The following RBMS3 variants were observed in gnomAD, a reference collection of about 807,000 sequenced individuals.
The protein encoded by RBMS3 is RNA binding motif single stranded interacting protein 3, also known as RNA-binding motif, single-stranded-interacting protein 3.
RBMS3 carries 27 observed loss-of-function variants against 66.8 expected under a neutral mutation model. That is an observed-to-expected ratio of 0.40 (90% CI 0.30 to 0.56). The LOEUF is 0.56. RBMS3 is among the 20% of genes least tolerant of loss of function. The probability of loss-of-function intolerance (pLI) is 0.40; values close to 1 mark genes in which losing one functional copy is unlikely to be tolerated. For missense variants in RBMS3, 513 were observed against 549.5 expected (o/e 0.93, Z 0.66); for synonymous variants, 188 against 183.0 (o/e 1.03, Z -0.22).
chr3:29,283,032 A>G lies in RBMS3; in HGVS notation c.75+1276A>G, dbSNP rs142948458. Among the ~76,000 whole-genome samples the G allele has an allele frequency of 7.4e-3, 1,125 of 152,228 alleles. 2 individuals are homozygous for G. The highest frequency in any genetic ancestry group is 0.017 in the Middle Eastern group (5 of 292). On this transcript the variant is annotated intron_variant, in intron 1 of 14. Coordinates refer to ENST00000383767, the MANE Select transcript of RBMS3 (RefSeq NM_001003793.3). ...TTTAGTTTGTGCTGCTGATGCTTAAATAGACTAGCCCTCCTGCTCGGTGCC... is the reference window on the plus strand; with the variant it reads ...TTTAGTTTGTGCTGCTGATGCTTAAGTAGACTAGCCCTCCTGCTCGGTGCC...
chr3:29,403,656 G>C (rs1389772220), intron 1 of RBMS3, among the ~76,000 whole-genome samples: 1 of 151,918 alleles, frequency 6.6e-6, no homozygotes, highest in East Asian at 1.9e-4. Flanking sequence ...GAAGTAGATG[G>C]AACAATAAAT....
chr3:29,977,690 A>G (rs1406203122), intron 12 of RBMS3, among the ~76,000 whole-genome samples: 1 of 152,164 alleles, frequency 6.6e-6, no homozygotes, highest in Non-Finnish European at 1.5e-5. Flanking sequence ...AAAACCATCA[A>G]GCTGTTTACC....
intron 2 of RBMS3, among the ~76,000 whole-genome samples, chr3:29,471,073 G>A (rs558327763): frequency 1.5e-4 from 23 of 152,152 alleles, no homozygotes; most frequent in South Asian, 1.0e-3. Flanking sequence ...AAGTGTTAAC[G>A]CCAGATACAA....
chr3:29,751,224 A>G (rs2055167648), intron 5 of RBMS3, among the ~76,000 whole-genome samples: 1 of 152,218 alleles, frequency 6.6e-6, no homozygotes, highest in Non-Finnish European at 1.5e-5. Context: ...TTCTTGTTCT[A>G]AGGAGAAAAC....
At chr3:29,358,515 A>G (rs1035849325) in intron 1 of RBMS3, among the ~76,000 whole-genome samples, 1 of 152,052 alleles carries the variant, frequency 6.6e-6, no homozygotes, top group Non-Finnish European at 1.5e-5. Context: ...CTTAGGATTG[A>G]CTTGGCAATG....
At chr3:29,473,806 C>T (rs1178043466) in intron 2 of RBMS3, among the ~76,000 whole-genome samples, 1 of 152,236 alleles carries the variant, frequency 6.6e-6, no homozygotes, top group African/African-American at 2.4e-5. Flanking sequence ...GTGTGGGGCC[C>T]ACCAAGCCCA....
chr3:29,490,434 T>C (rs1314773566), intron 3 of RBMS3, among the ~76,000 whole-genome samples: 2 of 151,930 alleles, frequency 1.3e-5, no homozygotes, highest in Non-Finnish European at 2.9e-5. Context: ...AAGAGAGGAA[T>C]GTATGAAACA....
At chr3:29,797,181 T>C (rs1192518813) in intron 6 of RBMS3, among the ~76,000 whole-genome samples, 4 of 152,256 alleles carry the variant, frequency 2.6e-5, no homozygotes, top group Non-Finnish European at 4.4e-5. Flanking sequence ...TATTGTTTAG[T>C]GTAGCCACCT....
chr3:29,293,762 C>T (rs1020043), intron 1 of RBMS3, among the ~76,000 whole-genome samples: 96,290 of 150,984 alleles, frequency 0.64, 31,006 homozygotes, highest in Middle Eastern at 0.71. Flanking sequence ...CTTTCTTGCT[C>T]GCCCTTTCTT....
At chr3:29,521,646 T>C (rs982355713) in intron 3 of RBMS3, among the ~76,000 whole-genome samples, 2 of 152,240 alleles carry the variant, frequency 1.3e-5, no homozygotes, top group African/African-American at 4.8e-5. Flanking sequence ...CTTGATAAAA[T>C]ATGAAGCACA....
chr3:29,849,061 A>G (rs2058861412), intron 6 of RBMS3, among the ~76,000 whole-genome samples: 1 of 151,994 alleles, frequency 6.6e-6, no homozygotes, highest in Admixed American at 6.6e-5. Flanking sequence ...CTTTAATACT[A>G]CTAAAATAAT....
intron 6 of RBMS3, among the ~76,000 whole-genome samples, chr3:29,809,854 G>C (rs564266628): frequency 6.6e-6 from 1 of 151,922 alleles, no homozygotes; most frequent in African/African-American, 2.4e-5. Context: ...AATTTTAGAG[G>C]AAGGAAAAAA....
At chr3:29,409,559 G>C (rs554493611) in intron 1 of RBMS3, among the ~76,000 whole-genome samples, 2 of 152,292 alleles carry the variant, frequency 1.3e-5, no homozygotes, top group African/African-American at 2.4e-5. Context: ...GTTCCAAAAG[G>C]CTGAGTAGTT....
intron 2 of RBMS3, among the ~76,000 whole-genome samples, chr3:29,466,922 G>A (rs533962511): frequency 1.3e-5 from 2 of 152,208 alleles, no homozygotes; most frequent in South Asian, 4.1e-4. Flanking sequence ...GTGAAATTTA[G>A]CTGTGTGTCC....
At chr3:29,428,568 T>G (rs983464114) in intron 1 of RBMS3, among the ~76,000 whole-genome samples, 6 of 127,564 alleles carry the variant, frequency 4.7e-5, no homozygotes, top group African/African-American at 1.0e-4. Context: ...CCAAATGCTT[T>G]CTGTTAAAAA....
At chr3:29,312,112 AG>A (rs2034414227) in intron 1 of RBMS3, among the ~76,000 whole-genome samples, 1 of 151,812 alleles carries the variant, frequency 6.6e-6, no homozygotes. Flanking sequence ...GTCTGAAGGC[AG>A]GACAACTGTT....
intron 2 of RBMS3, among the ~76,000 whole-genome samples, chr3:29,472,045 T>C (rs1326671988): frequency 6.6e-6 from 1 of 152,104 alleles, no homozygotes; most frequent in African/African-American, 2.4e-5. Flanking sequence ...CCACACATTT[T>C]TATTGAAAAG....
chr3:29,358,523 A>T (rs937236912), intron 1 of RBMS3, among the ~76,000 whole-genome samples: 1 of 152,132 alleles, frequency 6.6e-6, no homozygotes, highest in African/African-American at 2.4e-5. Flanking sequence ...TGACTTGGCA[A>T]TGCAGGCTCT....
At position 29,962,551 on chromosome 3, in the gene RBMS3, C is replaced by CATATATATATATATAT. The variant is rs148691765; in HGVS notation, c.1098+18299_1098+18314dup. On this transcript the variant is annotated intron_variant, in intron 12 of 14. Coordinates refer to ENST00000383767, the MANE Select transcript of RBMS3 (RefSeq NM_001003793.3). ...TCTGTTTTTAATATGGGTCAAGACTCATATATATATATATATAATACCATA... is the reference window on the plus strand; with the variant it reads ...TCTGTTTTTAATATGGGTCAAGACTCATATATATATATATATATATATATATATATATAATACCATA... 3.5e-4 allele frequency among the ~76,000 whole-genome samples: 48 copies of CATATATATATATATAT among 135,262 alleles called. 2 individuals are homozygous for CATATATATATATATAT. The highest frequency in any genetic ancestry group is 1.3e-3 in the African/African-American group (43 of 32,174). 88.7% of individuals were successfully genotyped at this position (135,262 alleles called of 152,430 possible).
Sources: allele counts gnomAD v4.1 joint callset (sites outside exome capture counted in the v4.1 genomes callset), GRCh38; gene constraint gnomAD v4.1.1; transcripts MANE v1.5; gene names NCBI Gene and HGNC (gene_info 2026-07-23, HGNC 2026-07-21).